The following ST6GAL1 variants were observed in gnomAD, a reference collection of about 807,000 sequenced individuals.
The protein encoded by ST6GAL1 is ST6 beta-galactoside alpha-2,6-sialyltransferase 1.
ST6GAL1 carries 20 observed loss-of-function variants against 38.0 expected under a neutral mutation model. The ratio of observed to expected loss-of-function variants is 0.53; its 90% CI spans 0.37 to 0.77. ST6GAL1 has a LOEUF of 0.77. Ranked by LOEUF, ST6GAL1 falls within the 30% of genes least tolerant of loss-of-function variation. The pLI is 0.00. For synonymous variants in ST6GAL1, 196 were observed against 188.2 expected (o/e 1.04, Z -0.34); for missense variants, 432 against 496.4 (o/e 0.87, Z 1.23).
chr3:186,984,514 T>C (rs1025950609), intron 2 of ST6GAL1, among the ~76,000 whole-genome samples: 12 of 152,074 alleles, frequency 7.9e-5, no homozygotes, highest in African/African-American at 2.9e-4. Flanking sequence ...CTTGATCCTT[T>C]CCTTCCAACC....
At chr3:187,053,110 T>C (rs1718571890) in intron 5 of ST6GAL1, among the ~76,000 whole-genome samples, 1 of 152,168 alleles carries the variant, frequency 6.6e-6, no homozygotes, top group African/African-American at 2.4e-5. Flanking sequence ...TGAGAAGTGT[T>C]TGTTTATATC....
chr3:187,049,546 G>A (rs1209657896), intron 4 of ST6GAL1, among the ~76,000 whole-genome samples: 2 of 152,158 alleles, frequency 1.3e-5, no homozygotes, highest in South Asian at 2.1e-4. Flanking sequence ...AACAGCTCCC[G>A]ACAGGTGTCC....
intron 4 of ST6GAL1, among the ~76,000 whole-genome samples, chr3:187,049,950 A>G (rs1425435904): frequency 1.3e-5 from 2 of 152,210 alleles, no homozygotes; most frequent in African/African-American, 2.4e-5. Context: ...CTGTAAGATG[A>G]TAACAGTTTG....
At chr3:186,982,194 T>C (rs571985212) in intron 2 of ST6GAL1, among the ~76,000 whole-genome samples, 1 of 152,336 alleles carries the variant, frequency 6.6e-6, no homozygotes, top group East Asian at 1.9e-4. Flanking sequence ...TCCTTCCTTT[T>C]TTGGTGAGGA....
chr3:186,988,429 C>A (rs1009284985), intron 2 of ST6GAL1, among the ~76,000 whole-genome samples: 55 of 152,030 alleles, frequency 3.6e-4, no homozygotes, highest in Admixed American at 1.4e-3. Flanking sequence ...ATGCCAGAAT[C>A]GAGATTCCCT....
intron 2 of ST6GAL1, among the ~76,000 whole-genome samples, chr3:186,993,989 G>T (rs532171224): frequency 6.6e-6 from 1 of 152,196 alleles, no homozygotes; most frequent in Non-Finnish European, 1.5e-5. Flanking sequence ...CATCAGAGAG[G>T]GTCTCTGTGG....
chr3:186,984,118 C>T (rs551778279), intron 2 of ST6GAL1, among the ~76,000 whole-genome samples: 1 of 152,088 alleles, frequency 6.6e-6, no homozygotes, highest in African/African-American at 2.4e-5. Flanking sequence ...GGGCTCCAAC[C>T]CTTGGAATCA....
chr3:186,964,552 G>A (rs6807335), intron 2 of ST6GAL1, among the ~76,000 whole-genome samples: 7,300 of 152,252 alleles, frequency 0.048, 596 homozygotes, highest in African/African-American at 0.17. Flanking sequence ...TACTCTTTAA[G>A]CTTCCACAGG....
At chr3:187,023,891 TAA>T (rs59561414) in intron 2 of ST6GAL1, among the ~76,000 whole-genome samples, 10 of 138,386 alleles carry the variant, frequency 7.2e-5, no homozygotes, top group African/African-American at 1.3e-4. Context: ...TAATAATAAT[TAA>T]AAAAAAAAAA....
At chr3:187,069,915 A>G (rs1330491535) in intron 5 of ST6GAL1, among the ~76,000 whole-genome samples, 1 of 152,326 alleles carries the variant, frequency 6.6e-6, no homozygotes, top group East Asian at 1.9e-4. Flanking sequence ...AAGAAGTCCA[A>G]AAGTAGACAT....
chr3:187,022,379 G>A (rs994101495), intron 2 of ST6GAL1, among the ~76,000 whole-genome samples: 2 of 152,134 alleles, frequency 1.3e-5, no homozygotes, highest in African/African-American at 2.4e-5. Flanking sequence ...GGTTAGGGGA[G>A]GGCTGAGGGG....
intron 1 of ST6GAL1, among the ~76,000 whole-genome samples, chr3:186,942,103 C>T (rs1299429879): frequency 6.6e-6 from 1 of 152,162 alleles, no homozygotes; most frequent in East Asian, 1.9e-4. Flanking sequence ...CTTAGGCCCC[C>T]TGCAGCTTTG....
chr3:186,960,425 G>C (rs113590186), intron 1 of ST6GAL1, among the ~76,000 whole-genome samples: 2,526 of 152,282 alleles, frequency 0.017, 68 homozygotes, highest in African/African-American at 0.058. Context: ...GCTGGGCCTC[G>C]AGAGGAAAGT....
intron 2 of ST6GAL1, chr3:187,038,292 G>A (rs1453884974): frequency 6.8e-6 from 1 of 145,998 alleles, no homozygotes; most frequent in Non-Finnish European, 1.5e-5. Flanking sequence ...TGCAACCTCC[G>A]CCTCCCGGGT....
intron 4 of ST6GAL1, among the ~76,000 whole-genome samples, chr3:187,048,228 C>T (rs1176939145): frequency 6.6e-6 from 1 of 152,200 alleles, no homozygotes; most frequent in Non-Finnish European, 1.5e-5. Context: ...CAGGTGTGAG[C>T]CACCGTGCCC....
intron 2 of ST6GAL1, among the ~76,000 whole-genome samples, chr3:186,971,884 AG>A (rs1715361584): frequency 6.6e-6 from 1 of 152,204 alleles, no homozygotes; most frequent in East Asian, 1.9e-4. Context: ...CTCAGTGTTT[AG>A]AGATCATACA....
intron 5 of ST6GAL1, among the ~76,000 whole-genome samples, chr3:187,054,495 G>C (rs756932853): frequency 6.6e-6 from 1 of 152,174 alleles, no homozygotes; most frequent in African/African-American, 2.4e-5. Context: ...TTCATTGAGA[G>C]TTTTTAGCAT....
In ST6GAL1 at chr3:187,048,880, A is replaced by AATTTTTTTTT. The variant is rs1286181913; in HGVS notation, c.608-2369_608-2368insATTTTTTTTT. The stretch of plus-strand genomic sequence containing the variant: ...TCTGGCTCTGTCCCTGAGAAATTGA[A>AATTTTTTTTT]TTTTTTTTTTTTTTTTTTTTTTTTT... On this transcript the variant is annotated intron_variant, in intron 4 of 7. Coordinates refer to ENST00000169298, the MANE Select transcript of ST6GAL1 (RefSeq NM_173216.2). Among the ~76,000 whole-genome samples the AATTTTTTTTT allele has an allele frequency of 7.8e-5, 9 of 115,450 alleles. 1 individual carries two copies. The highest frequency in any genetic ancestry group is 3.0e-4 in the African/African-American group (8 of 26,576). 75.7% of individuals were successfully genotyped at this position (115,450 alleles called of 152,430 possible). A position where few individuals can be genotyped will look rare whatever the true frequency, so the allele number is the denominator to read the frequency against.
intron 5 of ST6GAL1, among the ~76,000 whole-genome samples, chr3:187,058,131 A>G (rs140284691): frequency 0.025 from 3,748 of 152,244 alleles, 168 homozygotes; most frequent in African/African-American, 0.084. Flanking sequence ...CTGGTGTGCC[A>G]TTTTTTAAGA....
Sources: gnomAD v4.1 joint callset for allele counts (sites outside exome capture counted in the v4.1 genomes callset) on GRCh38, gnomAD v4.1.1 for gene constraint, MANE v1.5 for transcripts, NCBI Gene and HGNC (gene_info 2026-07-23, HGNC 2026-07-21) for gene names.